The following LRP1B variants were observed in gnomAD, a reference collection of about 807,000 sequenced individuals.
LRP1B encodes the protein low-density lipoprotein receptor-related protein 1B.
LRP1B carries 217 observed loss-of-function variants against 556.6 expected under a neutral mutation model. The observed-to-expected ratio is 0.39, with a 90% CI of 0.35 to 0.44. The LOEUF is 0.44. Among genes scored for constraint, LRP1B ranks in the 20% least tolerant of loss-of-function variants. The probability of loss-of-function intolerance (pLI) is 1.00; values close to 1 mark genes in which losing one functional copy is unlikely to be tolerated. For synonymous variants in LRP1B, 2,047 were observed against 1,865.8 expected, an observed-to-expected ratio of 1.10 and a Z score of -2.50; for missense variants, 5,053 against 5,620.8, an observed-to-expected ratio of 0.90 and a Z score of 3.23.
intron 35 of LRP1B, among the ~76,000 whole-genome samples, chr2:140,753,540 T>G (rs1688652013): frequency 6.6e-6 from 1 of 152,132 alleles, no homozygotes; most frequent in East Asian, 1.9e-4. Flanking sequence ...CTCAGCCCCC[T>G]ACATAACTGG....
chr2:141,944,446 G>T (rs921818475), intron 1 of LRP1B, among the ~76,000 whole-genome samples: 4 of 152,134 alleles, frequency 2.6e-5, no homozygotes, highest in Admixed American at 1.3e-4. Flanking sequence ...TGCAGTTAGT[G>T]TGTGGACCTT....
chr2:141,705,682 T>C (rs1692110314), intron 2 of LRP1B, among the ~76,000 whole-genome samples: 1 of 152,044 alleles, frequency 6.6e-6, no homozygotes, highest in Admixed American at 6.6e-5. Context: ...ACTCAGACTT[T>C]ATTTTCATTT....
intron 35 of LRP1B, among the ~76,000 whole-genome samples, chr2:140,752,787 T>C (rs978153415): frequency 6.6e-6 from 1 of 152,220 alleles, no homozygotes; most frequent in Non-Finnish European, 1.5e-5. Flanking sequence ...TTTTCATATA[T>C]CCCTTGCTTC....
chr2:142,002,541 G>T (rs1279106697), intron 1 of LRP1B, among the ~76,000 whole-genome samples: 1 of 150,652 alleles, frequency 6.6e-6, no homozygotes, highest in Non-Finnish European at 1.5e-5. Context: ...TAGTATGGGA[G>T]ATTTATACAT....
chr2:141,603,227 G>T (rs1291633289), intron 2 of LRP1B, among the ~76,000 whole-genome samples: 1 of 152,292 alleles, frequency 6.6e-6, no homozygotes, highest in Non-Finnish European at 1.5e-5. Context: ...TGGAAGGCAA[G>T]AAATGAACAA....
At chr2:140,983,968 T>C (rs1285867720) in intron 17 of LRP1B, among the ~76,000 whole-genome samples, 1 of 151,882 alleles carries the variant, frequency 6.6e-6, no homozygotes, top group East Asian at 1.9e-4. Flanking sequence ...TCCACATATT[T>C]TCTGGTAAAT....
intron 7 of LRP1B, among the ~76,000 whole-genome samples, chr2:141,063,001 G>C (rs1419142465): frequency 6.6e-6 from 1 of 151,722 alleles, no homozygotes; most frequent in Non-Finnish European, 1.5e-5. Flanking sequence ...GTCTGTCAAA[G>C]TTTAAAATGT....
chr2:141,881,825 C>T (rs7565791), intron 1 of LRP1B, among the ~76,000 whole-genome samples: 128,970 of 152,116 alleles, frequency 0.85, 54,790 homozygotes, highest in East Asian at 1. Flanking sequence ...AATCAGTTTA[C>T]TAACAGAGTA....
intron 32 of LRP1B, among the ~76,000 whole-genome samples, chr2:140,806,018 C>T (rs1000667840): frequency 2.6e-5 from 4 of 152,058 alleles, no homozygotes; most frequent in Admixed American, 2.0e-4. Flanking sequence ...GTAAAGACCT[C>T]ATGAATGAAA....
At chr2:141,461,527 T>C (rs1681872974) in intron 3 of LRP1B, among the ~76,000 whole-genome samples, 1 of 152,150 alleles carries the variant, frequency 6.6e-6, no homozygotes, top group East Asian at 1.9e-4. Context: ...TAATAAGTGG[T>C]ATCTATACAA....
intron 86 of LRP1B, among the ~76,000 whole-genome samples, chr2:140,256,543 A>G (rs1459453395): frequency 7.9e-6 from 1 of 127,354 alleles, no homozygotes; most frequent in Non-Finnish European, 1.5e-5. Flanking sequence ...ATCTCAGCTC[A>G]CTGCAACCTC....
chr2:142,048,322 A>C (rs1462878306), intron 1 of LRP1B, among the ~76,000 whole-genome samples: 2 of 152,104 alleles, frequency 1.3e-5, no homozygotes, highest in Admixed American at 6.6e-5. Flanking sequence ...TTGGAGGTTA[A>C]CTAACATGGC....
intron 67 of LRP1B, among the ~76,000 whole-genome samples, chr2:140,379,019 A>G (rs1376394549): frequency 1.3e-5 from 2 of 152,178 alleles, no homozygotes; most frequent in African/African-American, 2.4e-5. Flanking sequence ...TCCTATTGGA[A>G]TATGTTTCAT....
chr2:141,339,462 A>G (rs1435322936), intron 3 of LRP1B, among the ~76,000 whole-genome samples: 2 of 152,162 alleles, frequency 1.3e-5, no homozygotes, highest in Non-Finnish European at 2.9e-5. Flanking sequence ...GCTTTACCAT[A>G]TGCTAGATGT....
chr2:141,074,802 A>T (rs959545900), intron 7 of LRP1B, among the ~76,000 whole-genome samples: 2 of 152,124 alleles, frequency 1.3e-5, no homozygotes, highest in Non-Finnish European at 1.5e-5. Context: ...TATACAGCAT[A>T]GCTCACTGGA....
intron 7 of LRP1B, among the ~76,000 whole-genome samples, chr2:141,120,193 G>A (rs976089019): frequency 5.9e-5 from 9 of 151,720 alleles, no homozygotes; most frequent in African/African-American, 1.9e-4. Flanking sequence ...ATGGACAAAA[G>A]CAATTTACTT....
At chr2:141,921,043 T>G (rs567049444) in intron 1 of LRP1B, among the ~76,000 whole-genome samples, 1 of 152,132 alleles carries the variant, frequency 6.6e-6, no homozygotes, top group South Asian at 2.1e-4. Flanking sequence ...AACTTCAACA[T>G]GTAGTATGTA....
At chr2:140,573,381 A>G (rs900057679) in intron 43 of LRP1B, among the ~76,000 whole-genome samples, 3 of 151,926 alleles carry the variant, frequency 2.0e-5, no homozygotes, top group African/African-American at 7.2e-5. Flanking sequence ...TAACTAAAAG[A>G]ATTACTTGTC....
At chr2:141,720,495 A>G (rs1347659) in intron 2 of LRP1B, among the ~76,000 whole-genome samples, 16,402 of 152,146 alleles carry the variant, frequency 0.11, 1,669 homozygotes, top group African/African-American at 0.26. Flanking sequence ...TCTCTAATCC[A>G]TCATCTTGCA....
Sources: gnomAD v4.1 joint callset for allele counts (sites outside exome capture counted in the v4.1 genomes callset) on GRCh38, gnomAD v4.1.1 for gene constraint, MANE v1.5 for transcripts, NCBI Gene and HGNC (gene_info 2026-07-23, HGNC 2026-07-21) for gene names.